KLHL29: variants seen among roughly 807,000 people sequenced by gnomAD.
KLHL29 encodes the protein kelch like family member 29.
A neutral mutation model predicts 80.4 loss-of-function variants in KLHL29; 21 were observed. The observed-to-expected ratio is 0.26, with a 90% CI of 0.19 to 0.38. The LOEUF is 0.38. Among genes scored for constraint, KLHL29 ranks in the 10% least tolerant of loss-of-function variants. The pLI is 1.00. For synonymous variants in KLHL29, 511 were observed against 526.8 expected (o/e 0.97, Z 0.41); for missense variants, 867 against 1,223.9 (o/e 0.71, Z 4.35).
chr2:23,390,477 A>G (rs1666290331), intron 1 of KLHL29, among the ~76,000 whole-genome samples: 1 of 152,124 alleles, frequency 6.6e-6, no homozygotes, highest in Non-Finnish European at 1.5e-5. Flanking sequence ...GGTTTTTGAC[A>G]TTTTAAAATC....
chr2:23,674,016 A>G (rs949807293), intron 5 of KLHL29, among the ~76,000 whole-genome samples: 5 of 152,194 alleles, frequency 3.3e-5, no homozygotes, highest in African/African-American at 1.2e-4. Flanking sequence ...TCACCCCTGC[A>G]GCCAGCTGGG....
chr2:23,541,788 A>G (rs1466233530), intron 2 of KLHL29, among the ~76,000 whole-genome samples: 2 of 150,166 alleles, frequency 1.3e-5, no homozygotes, highest in African/African-American at 2.5e-5. Flanking sequence ...AAAAAAAACC[A>G]TAAAACTGGT....
intron 1 of KLHL29, among the ~76,000 whole-genome samples, chr2:23,444,645 C>T (rs537626946): frequency 6.6e-6 from 1 of 152,220 alleles, no homozygotes; most frequent in South Asian, 2.1e-4. Context: ...AATTTTGATT[C>T]CTGTGCGTTA....
At chr2:23,628,163 G>A (rs964966772) in intron 3 of KLHL29, among the ~76,000 whole-genome samples, 2 of 152,040 alleles carry the variant, frequency 1.3e-5, no homozygotes, top group Non-Finnish European at 2.9e-5. Context: ...ACCCGCATTG[G>A]CCTCCCAAAG....
chr2:23,394,367 A>C (rs1666397096), intron 1 of KLHL29, among the ~76,000 whole-genome samples: 1 of 152,220 alleles, frequency 6.6e-6, no homozygotes, highest in South Asian at 2.1e-4. Flanking sequence ...GAGAAGGCAC[A>C]GTGGGAAGAG....
intron 2 of KLHL29, chr2:23,507,224 A>T (rs552959073): frequency 4.2e-5 from 12 of 282,702 alleles, no homozygotes; most frequent in African/African-American, 2.7e-4. Context: ...CACCATCAAC[A>T]TCCAGATCCT....
intron 1 of KLHL29, among the ~76,000 whole-genome samples, chr2:23,461,180 A>G (rs1352207276): frequency 1.3e-5 from 2 of 152,190 alleles, no homozygotes; most frequent in African/African-American, 4.8e-5. Flanking sequence ...AATGGAGGAA[A>G]CACTCTTGTT....
chr2:23,597,682 C>T (rs1258269680), intron 3 of KLHL29, among the ~76,000 whole-genome samples: 2 of 151,948 alleles, frequency 1.3e-5, no homozygotes, highest in African/African-American at 2.4e-5. Flanking sequence ...GCCTTGGCCT[C>T]CCAAAGTGCT....
At chr2:23,657,120 C>T (rs1170910703) in intron 5 of KLHL29, among the ~76,000 whole-genome samples, 1 of 152,086 alleles carries the variant, frequency 6.6e-6, no homozygotes, top group Non-Finnish European at 1.5e-5. Flanking sequence ...CCCCTTACTC[C>T]CTTTTCCTGC....
At chr2:23,405,486 G>T (rs1390210773) in intron 1 of KLHL29, among the ~76,000 whole-genome samples, 1 of 152,174 alleles carries the variant, frequency 6.6e-6, no homozygotes, top group Non-Finnish European at 1.5e-5. Context: ...AAAATTTGCT[G>T]CATTATCTGA....
chr2:23,587,118 A>C (rs139168987), intron 3 of KLHL29, among the ~76,000 whole-genome samples: 1 of 152,094 alleles, frequency 6.6e-6, no homozygotes. Context: ...CGCCCTGTTA[A>C]ATTGCAGCAA....
At chr2:23,508,802 A>G (rs1013517016) in intron 2 of KLHL29, among the ~76,000 whole-genome samples, 3 of 152,212 alleles carry the variant, frequency 2.0e-5, no homozygotes, top group Non-Finnish European at 2.9e-5. Context: ...CCCAACATCT[A>G]TCCCTGATTG....
In KLHL29 at chr2:23,706,484, T is replaced by C. The variant is rs749912247; in HGVS notation, c.2448T>C (p.Ala816=). 1.3e-6 allele frequency: 2 copies of C among 1,525,918 alleles called. No homozygotes were observed. The highest frequency in any genetic ancestry group is 2.4e-5 in the South Asian group (2 of 81,658). 94.5% of individuals were successfully genotyped at this position (1,525,918 alleles called of 1,614,324 possible). Reference sequence around the variant, plus strand: ...TGTCCCCGCTTTCCCCCAACAGTGCTGTGGTGCTTGATGGCAAGATTTATG... The same window carrying C: ...TGTCCCCGCTTTCCCCCAACAGTGCCGTGGTGCTTGATGGCAAGATTTATG... ...NMNHSRQFCS[A]VVLDGKIYAT... is the part of the protein sequence containing the mutation. The change falls in exon 14 of 14, where the codon GCT becomes GCC. Residue 816 remains alanine (A), a synonymous_variant. Coordinates refer to ENST00000486442, the MANE Select transcript of KLHL29 (RefSeq NM_052920.2).
chr2:23,421,209 G>T (rs1292221889), intron 1 of KLHL29, among the ~76,000 whole-genome samples: 2 of 152,220 alleles, frequency 1.3e-5, no homozygotes, highest in African/African-American at 2.4e-5. Context: ...CTCCTGGTCT[G>T]TCACATGCTA....
intron 1 of KLHL29, among the ~76,000 whole-genome samples, chr2:23,417,097 G>A (rs558394227): frequency 3.3e-5 from 5 of 152,076 alleles, no homozygotes; most frequent in African/African-American, 9.6e-5. Flanking sequence ...GCTGTTCCCC[G>A]GGGCCATCAG....
intron 2 of KLHL29, among the ~76,000 whole-genome samples, chr2:23,533,285 T>G (rs1244189322): frequency 6.6e-6 from 1 of 152,092 alleles, no homozygotes; most frequent in Non-Finnish European, 1.5e-5. Context: ...TCCTAGGGCA[T>G]GGGTTTGATG....
chr2:23,674,398 A>G (rs943618928), intron 5 of KLHL29, among the ~76,000 whole-genome samples: 9 of 152,282 alleles, frequency 5.9e-5, no homozygotes, highest in Middle Eastern at 3.4e-3. Context: ...AGCGGTGGAC[A>G]TGGTCAGCTG....
At chr2:23,670,635 A>G (rs543355193) in intron 5 of KLHL29, among the ~76,000 whole-genome samples, 64 of 152,294 alleles carry the variant, frequency 4.2e-4, no homozygotes, top group African/African-American at 1.5e-3. Context: ...TTTCATGCCT[A>G]TTAAGATTTT....
chr2:23,660,909 T>C (rs1374478213), intron 5 of KLHL29, among the ~76,000 whole-genome samples: 1 of 152,058 alleles, frequency 6.6e-6, no homozygotes, highest in East Asian at 1.9e-4. Context: ...CAGGCGCCTG[T>C]AATCCCAGCT....
Sources: allele counts gnomAD v4.1 joint callset (sites outside exome capture counted in the v4.1 genomes callset), GRCh38; gene constraint gnomAD v4.1.1; transcripts MANE v1.5; gene names NCBI Gene and HGNC (gene_info 2026-07-23, HGNC 2026-07-21).